FARSB: variants seen among roughly 807,000 people sequenced by gnomAD.
The protein encoded by FARSB is phenylalanine--tRNA ligase beta subunit.
FARSB carries 40 observed loss-of-function variants against 69.6 expected under a neutral mutation model. The observed-to-expected ratio is 0.57, with a 90% CI of 0.45 to 0.75. FARSB has a LOEUF of 0.75. Ranked by LOEUF, FARSB falls within the 30% of genes least tolerant of loss-of-function variation. FARSB has a pLI of 0.00. For synonymous variants in FARSB, 235 were observed against 247.2 expected, an observed-to-expected ratio of 0.95 and a Z score of 0.46; for missense variants, 632 against 722.9, an observed-to-expected ratio of 0.87 and a Z score of 1.44.
intron 1 of FARSB, among the ~76,000 whole-genome samples, chr2:222,653,093 C>T (rs1692079252): frequency 6.6e-6 from 1 of 152,110 alleles, no homozygotes; most frequent in Non-Finnish European, 1.5e-5. Context: ...CACGCCAGAA[C>T]AGGACTATAA....
intron 5 of FARSB, among the ~76,000 whole-genome samples, chr2:222,637,725 A>G (rs1691621029): frequency 6.6e-6 from 1 of 152,214 alleles, no homozygotes; most frequent in African/African-American, 2.4e-5. Context: ...GTGGTTCATA[A>G]CTGTAACCCC....
At chr2:222,598,059 T>G (rs1690466772) in intron 16 of FARSB, among the ~76,000 whole-genome samples, 1 of 152,218 alleles carries the variant, frequency 6.6e-6, no homozygotes, top group African/African-American at 2.4e-5. Context: ...TAGTTTGCCT[T>G]GCTTCCCCTG....
In FARSB at chr2:222,630,096, G is replaced by C. The variant is rs1454610984; in HGVS notation, c.848+17C>G. On this transcript the variant is annotated intron_variant, in intron 9 of 16. Transcript: ENST00000281828. ...TCAGAACAATGGGCCATCAATAAAG[G>C]TGCTGGATGAACTTACGTAAATTGA... The C allele has an allele frequency of 1.4e-6, 2 of 1,469,446 alleles. No individual in the cohort carries two copies. Among genetic ancestry groups the C allele is most frequent in the East Asian group, 4.8e-5 (2 of 41,886 alleles). 91.0% of individuals were successfully genotyped at this position (1,469,446 alleles called of 1,614,324 possible). A position where few individuals can be genotyped will look rare whatever the true frequency, so the allele number is the denominator to read the frequency against.
intron 10 of FARSB, 65 bp from the exon 11 acceptor site, chr2:222,624,840 A>T (rs1574939966): frequency 1.1e-6 from 1 of 923,038 alleles, no homozygotes; most frequent in East Asian, 2.5e-5. Flanking sequence ...AGTCTTTTCC[A>T]TTAGTCATTA....
intron 2 of FARSB, among the ~76,000 whole-genome samples, chr2:222,648,086 C>T (rs1409366417): frequency 1.3e-5 from 2 of 151,976 alleles, no homozygotes; most frequent in East Asian, 3.9e-4. Flanking sequence ...ATCAAGCCCC[C>T]GCGAGGAAGG....
In FARSB at chr2:222,623,721, T is replaced by C. The variant is rs747487202; in HGVS notation, c.1180A>G (p.Asn394Asp). The C allele has an allele frequency of 6.2e-7, 1 of 1,602,680 alleles. No individual in the cohort carries two copies. Residue 394 changes from asparagine to aspartate, a missense_variant, in exon 13 of 17, where the codon AAT becomes GAT. Transcript: ENST00000281828. Reference protein sequence around the residue: ...TYTIANQFPLNKLTELLRHDM... With the variant: ...TYTIANQFPLDKLTELLRHDM... ...TGTCGGAGAAGTTCAGTGAGCTTATTAAGAGGAAACTGAAAAAAAAAGCAT... is the reference window on the plus strand; with the variant it reads ...TGTCGGAGAAGTTCAGTGAGCTTATCAAGAGGAAACTGAAAAAAAAAGCAT...
At chr2:222,576,721 G>A (rs926396340) in intron 16 of FARSB, among the ~76,000 whole-genome samples, 2 of 152,122 alleles carry the variant, frequency 1.3e-5, no homozygotes, top group African/African-American at 4.8e-5. Context: ...TTGACAGGGT[G>A]GGTGACAAGG....
At chr2:222,598,894 A>C (rs1460395879) in intron 16 of FARSB, among the ~76,000 whole-genome samples, 3 of 152,048 alleles carry the variant, frequency 2.0e-5, no homozygotes, top group African/African-American at 7.2e-5. Context: ...TTTCTCATGG[A>C]AAGTGGGTAA....
At chr2:222,620,412 G>A (rs1247219905) in intron 13 of FARSB, among the ~76,000 whole-genome samples, 2 of 152,164 alleles carry the variant, frequency 1.3e-5, no homozygotes, top group African/African-American at 4.8e-5. Context: ...CTTAACTTCT[G>A]TGCACATGCC....
At chr2:222,644,948 G>A (rs1397626710) in intron 2 of FARSB, among the ~76,000 whole-genome samples, 4 of 150,696 alleles carry the variant, frequency 2.7e-5, no homozygotes, top group Non-Finnish European at 5.9e-5. Flanking sequence ...CTGTGGATAA[G>A]GAGGAACTAC....
At chr2:222,603,662 T>A (rs907819629) in intron 15 of FARSB, among the ~76,000 whole-genome samples, 1 of 137,308 alleles carries the variant, frequency 7.3e-6, no homozygotes, top group Non-Finnish European at 1.6e-5. Context: ...TATATTATTA[T>A]TAATATAATT....
intron 4 of FARSB, 135 bp downstream of exon 4, chr2:222,640,727 G>A (rs1288931992): frequency 1.8e-6 from 1 of 568,456 alleles, no homozygotes; most frequent in Non-Finnish European, 3.1e-6. Flanking sequence ...CTGCATTCCA[G>A]TCTGGGCAAA....
intron 5 of FARSB, among the ~76,000 whole-genome samples, 180 bp downstream of exon 5, chr2:222,639,399 TG>T (rs1691659553): frequency 6.6e-6 from 1 of 152,140 alleles, no homozygotes; most frequent in Non-Finnish European, 1.5e-5. Context: ...TCTCATATTC[TG>T]TCACATACTA....
chr2:222,599,645 A>G lies in FARSB; in HGVS notation c.1618+283T>C, dbSNP rs149931986. 3.4e-3 allele frequency among the ~76,000 whole-genome samples: 520 copies of G among 152,282 alleles called. 4 individuals are homozygous for G. The highest frequency in any genetic ancestry group is 3.7e-3 in the South Asian group (18 of 4,828). ...CATGTGCTGATGGCTTAAAGGTGCC[A>G]GTGATTTAGCCATTTTGATGGCTTA... On this transcript the variant is annotated intron_variant, in intron 16 of 16. Transcript: ENST00000281828.
intron 3 of FARSB, 60 bp downstream of exon 3, chr2:222,642,791 T>C: frequency 1.5e-6 from 2 of 1,303,478 alleles, no homozygotes; most frequent in Non-Finnish European, 2.1e-6. Context: ...CTGCTGATAA[T>C]GACAAGGAAA....
chr2:222,652,076 TC>T, intron 1 of FARSB, among the ~76,000 whole-genome samples: 1 of 152,202 alleles, frequency 6.6e-6, no homozygotes, highest in Non-Finnish European at 1.5e-5. Flanking sequence ...CCTATGCCCA[TC>T]CCACCACTGT....
intron 10 of FARSB, among the ~76,000 whole-genome samples, chr2:222,627,015 G>A (rs1054096024): frequency 2.6e-5 from 4 of 152,078 alleles, no homozygotes; most frequent in African/African-American, 7.2e-5. Context: ...CAGCCTTGGC[G>A]ACAGAGGGAG....
chr2:222,654,704 T>C (rs1048753027), intron 1 of FARSB, among the ~76,000 whole-genome samples: 24 of 152,190 alleles, frequency 1.6e-4, no homozygotes, highest in African/African-American at 5.3e-4. Flanking sequence ...GAATATCACA[T>C]AGAGAATAGG....
At chr2:222,617,908 G>A (rs1559204792) in intron 14 of FARSB, among the ~76,000 whole-genome samples, 1 of 151,984 alleles carries the variant, frequency 6.6e-6, no homozygotes, top group Non-Finnish European at 1.5e-5. Flanking sequence ...ATAAAATAAA[G>A]TTTTTTAAAA....
Sources: allele counts gnomAD v4.1 joint callset (sites outside exome capture counted in the v4.1 genomes callset), GRCh38; gene constraint gnomAD v4.1.1; transcripts MANE v1.5; gene names NCBI Gene and HGNC (gene_info 2026-07-23, HGNC 2026-07-21).